The following SPAG16 variants were observed in gnomAD, a reference collection of about 807,000 sequenced individuals.
SPAG16 encodes the protein sperm-associated antigen 16 protein.
A neutral mutation model predicts 80.4 loss-of-function variants in SPAG16; 86 were observed. That is an observed-to-expected ratio of 1.07 (90% confidence interval 0.90 to 1.28). SPAG16 has a LOEUF of 1.28. Among genes scored for constraint, SPAG16 ranks in the 50% most tolerant of loss-of-function variants. The pLI, the probability that SPAG16 is intolerant of heterozygous loss-of-function variation, is 0.00. For missense variants in SPAG16, 870 were observed against 765.3 expected (o/e 1.14, Z -1.61); for synonymous variants, 294 against 265.9 (o/e 1.11, Z -1.03).
At chr2:214,073,581 T>C (rs1045445369) in intron 13 of SPAG16, among the ~76,000 whole-genome samples, 4 of 152,206 alleles carry the variant, frequency 2.6e-5, no homozygotes, top group Non-Finnish European at 5.9e-5. Flanking sequence ...TTCATGTCTG[T>C]GCATTGGAAG....
At chr2:213,991,071 G>A (rs920102265) in intron 12 of SPAG16, among the ~76,000 whole-genome samples, 1 of 151,856 alleles carries the variant, frequency 6.6e-6, no homozygotes, top group Non-Finnish European at 1.5e-5. Context: ...TTGCTACGTA[G>A]GTATACACGT....
intron 10 of SPAG16, among the ~76,000 whole-genome samples, chr2:213,722,521 A>G (rs1444487817): frequency 1.3e-5 from 2 of 152,196 alleles, no homozygotes; most frequent in Non-Finnish European, 2.9e-5. Context: ...AGGGCCTGGT[A>G]GTAAACATGG....
intron 13 of SPAG16, among the ~76,000 whole-genome samples, chr2:214,024,365 G>T (rs569507809): frequency 4.7e-4 from 71 of 151,712 alleles, no homozygotes; most frequent in Non-Finnish European, 7.2e-4. Context: ...TATTAGGACA[G>T]AGATTATGAT....
At chr2:213,611,698 C>T (rs1266529402) in intron 10 of SPAG16, among the ~76,000 whole-genome samples, 1 of 151,996 alleles carries the variant, frequency 6.6e-6, no homozygotes, top group African/African-American at 2.4e-5. Context: ...TATTTTTATC[C>T]ACTTATACAT....
At chr2:213,506,720 C>T (rs1208394085) in intron 10 of SPAG16, among the ~76,000 whole-genome samples, 1 of 152,000 alleles carries the variant, frequency 6.6e-6, no homozygotes, top group African/African-American at 2.4e-5. Context: ...ACTGAAAATG[C>T]AACAAAATTT....
intron 12 of SPAG16, among the ~76,000 whole-genome samples, chr2:213,953,162 C>A (rs1292141369): frequency 6.6e-6 from 1 of 151,810 alleles, no homozygotes; most frequent in Non-Finnish European, 1.5e-5. Context: ...TTCAACAAAG[C>A]AATGTTTAAA....
intron 10 of SPAG16, among the ~76,000 whole-genome samples, chr2:213,789,170 A>G (rs1043541625): frequency 1.8e-4 from 28 of 151,996 alleles, no homozygotes; most frequent in Admixed American, 6.6e-5. Flanking sequence ...AATCCTTTCA[A>G]TAAGTGTACT....
chr2:213,847,621 A>G (rs1383468829), intron 10 of SPAG16, among the ~76,000 whole-genome samples: 1 of 152,184 alleles, frequency 6.6e-6, no homozygotes, highest in Non-Finnish European at 1.5e-5. Context: ...CACCTTCAGT[A>G]TTGGGATTAC....
At chr2:213,589,430 A>C (rs2060600230) in intron 10 of SPAG16, among the ~76,000 whole-genome samples, 1 of 152,250 alleles carries the variant, frequency 6.6e-6, no homozygotes. Context: ...AAACAATAAA[A>C]GTTGATTTCT....
chr2:213,700,524 AT>A (rs1388929263), intron 10 of SPAG16, among the ~76,000 whole-genome samples: 1 of 152,216 alleles, frequency 6.6e-6, no homozygotes, highest in Admixed American at 6.5e-5. Flanking sequence ...CATTAGAACC[AT>A]AACATTTTCT....
intron 14 of SPAG16, among the ~76,000 whole-genome samples, chr2:214,143,806 A>G (rs972209804): frequency 1.3e-5 from 2 of 152,156 alleles, no homozygotes; most frequent in African/African-American, 4.8e-5. Flanking sequence ...CTTTCCATGC[A>G]AACACATTTA....
At chr2:213,511,410 T>A (rs768942670) in intron 10 of SPAG16, among the ~76,000 whole-genome samples, 2 of 152,156 alleles carry the variant, frequency 1.3e-5, no homozygotes, top group Non-Finnish European at 2.9e-5. Context: ...ATAAATCACT[T>A]AGTGTCTTCT....
intron 12 of SPAG16, among the ~76,000 whole-genome samples, chr2:213,970,688 C>T (rs538547019): frequency 6.6e-6 from 1 of 152,316 alleles, no homozygotes; most frequent in African/African-American, 2.4e-5. Context: ...GATGAAAGTA[C>T]ATCCTGGCCT....
At chr2:213,913,092 T>C (rs2106174692) in intron 11 of SPAG16, among the ~76,000 whole-genome samples, 1 of 152,248 alleles carries the variant, frequency 6.6e-6, no homozygotes, top group African/African-American at 2.4e-5. Context: ...ATATATAGTA[T>C]ATCTGAATAT....
intron 12 of SPAG16, among the ~76,000 whole-genome samples, chr2:213,951,392 T>C (rs2079769794): frequency 6.6e-6 from 1 of 152,142 alleles, no homozygotes; most frequent in Non-Finnish European, 1.5e-5. Flanking sequence ...TATACATGGA[T>C]TCAGAGTCAT....
intron 11 of SPAG16, among the ~76,000 whole-genome samples, chr2:213,911,839 A>G (rs1243588286): frequency 6.6e-6 from 1 of 151,054 alleles, no homozygotes; most frequent in Non-Finnish European, 1.5e-5. Flanking sequence ...AGTTAGCAAA[A>G]AAAAAAAAAA....
chr2:214,364,638 A>G (rs1347847894), intron 15 of SPAG16, among the ~76,000 whole-genome samples: 2 of 152,186 alleles, frequency 1.3e-5, no homozygotes, highest in African/African-American at 4.8e-5. Context: ...AAGAGACAGC[A>G]TTTAAACAGT....
chr2:214,378,560 A>T (rs1700263793), intron 15 of SPAG16, among the ~76,000 whole-genome samples: 1 of 152,182 alleles, frequency 6.6e-6, no homozygotes. Flanking sequence ...TTTTATCAGG[A>T]AAGAGCCCAC....
chr2:214,242,493 G>A (rs1169549457), intron 15 of SPAG16, among the ~76,000 whole-genome samples: 1 of 152,068 alleles, frequency 6.6e-6, no homozygotes, highest in Non-Finnish European at 1.5e-5. Flanking sequence ...AAATTATTTT[G>A]AATTTGCATT....
Sources: gnomAD v4.1 joint callset for allele counts (sites outside exome capture counted in the v4.1 genomes callset) on GRCh38, gnomAD v4.1.1 for gene constraint, MANE v1.5 for transcripts, NCBI Gene and HGNC (gene_info 2026-07-23, HGNC 2026-07-21) for gene names.